Variants in ABCC5 observed in about 807,000 individuals in gnomAD.
The protein encoded by ABCC5 is ATP-binding cassette sub-family C member 5.
In ABCC5, 61 loss-of-function variants were observed where a neutral mutation model predicts 160.9. That is an observed-to-expected ratio of 0.38 (90% CI 0.31 to 0.47). The LOEUF (loss-of-function observed/expected upper bound fraction) is 0.47, where lower values mean the gene tolerates loss of function less well. Ranked by LOEUF, ABCC5 falls within the 20% of genes least tolerant of loss-of-function variation. The pLI is 0.99. For synonymous variants in ABCC5, 666 were observed against 700.6 expected (o/e 0.95, Z 0.78); for missense variants, 1,308 against 1,813.3 (o/e 0.72, Z 5.06).
intron 10 of ABCC5, 55 bp downstream of exon 10, chr3:183,977,462 A>G: frequency 7.5e-7 from 1 of 1,337,128 alleles, no homozygotes; most frequent in Non-Finnish European, 1.1e-6. Flanking sequence ...CAGAGCCAGC[A>G]GTTAGTTGTG....
intron 8 of ABCC5, 109 bp from the exon 9 acceptor site, chr3:183,978,760 C>A: frequency 8.4e-7 from 1 of 1,193,306 alleles, no homozygotes. Flanking sequence ...CCTTCAACAC[C>A]TATGACTATC....
chr3:183,938,321 C>T (rs11714326), intron 25 of ABCC5, among the ~76,000 whole-genome samples: 29,284 of 151,240 alleles, frequency 0.19, 2,985 homozygotes, highest in East Asian at 0.43. Flanking sequence ...TTTTTTGAGA[C>T]GGAGTCTCAC....
chr3:183,923,786 A>G (rs1331389043), intron 29 of ABCC5, among the ~76,000 whole-genome samples: 3 of 152,186 alleles, frequency 2.0e-5, no homozygotes, highest in African/African-American at 7.2e-5. Context: ...GATAGTCACA[A>G]AAAACACTAG....
intron 26 of ABCC5, among the ~76,000 whole-genome samples, chr3:183,929,782 TTG>T (rs1369711993): frequency 2.0e-5 from 3 of 152,148 alleles, no homozygotes; most frequent in Non-Finnish European, 4.4e-5. Context: ...CACGTAATTT[TTG>T]TGTTTTTTGT....
At chr3:183,941,325 C>T (rs1353043707) in intron 25 of ABCC5, among the ~76,000 whole-genome samples, 1 of 152,228 alleles carries the variant, frequency 6.6e-6, no homozygotes, top group East Asian at 1.9e-4. Flanking sequence ...AGCAGATGGG[C>T]TCAAGGGAGA....
chr3:183,925,665 T>C lies in ABCC5; in HGVS notation c.4102A>G (p.Ile1368Val), dbSNP rs770389789. ...AAMDTETDLL[I>V]QETIREAFAD... ...AATGCTTCTCGGATGGTCTCTTGAA[T>C]CAATAAGTCTGTCTCTGTGTCCATG... The change falls in exon 29 of 30, where the codon ATT becomes GTT. Residue 1368 changes from isoleucine (I) to valine (V), a missense_variant. Ile to Val is a conservative substitution (Grantham distance 29). Coordinates refer to ENST00000334444, the MANE Select transcript of ABCC5 (RefSeq NM_005688.4). 2 of 1,613,854 alleles carry C rather than the reference T, an allele frequency of 1.2e-6. No homozygotes were observed. Among genetic ancestry groups the C allele is most frequent in the African/African-American group, 2.7e-5 (2 of 74,852 alleles).
At chr3:183,956,466 G>A (rs1205302061) in intron 17 of ABCC5, among the ~76,000 whole-genome samples, 419 of 89,102 alleles carry the variant, frequency 4.7e-3, no homozygotes, top group African/African-American at 0.01. Flanking sequence ...GGTTACATGC[G>A]GATCCGTGTG....
At chr3:184,007,543 T>C (rs373149876) in intron 2 of ABCC5, among the ~76,000 whole-genome samples, 37 of 152,184 alleles carry the variant, frequency 2.4e-4, no homozygotes, top group African/African-American at 8.7e-4. Context: ...AGAACACACA[T>C]GCCCAGGCGC....
At chr3:184,005,611 AC>A (rs780750445) in intron 2 of ABCC5, among the ~76,000 whole-genome samples, 127 of 145,270 alleles carry the variant, frequency 8.7e-4, no homozygotes, top group Non-Finnish European at 1.6e-3. Flanking sequence ...AGAGGGAAAA[AC>A]GGTAAGACAT....
intron 2 of ABCC5, among the ~76,000 whole-genome samples, chr3:183,999,859 A>T (rs1720602286): frequency 6.6e-6 from 1 of 152,068 alleles, no homozygotes; most frequent in African/African-American, 2.4e-5. Flanking sequence ...TCATACATTA[A>T]TCCATCTGGA....
At chr3:183,994,232 A>T (rs1720048873) in intron 2 of ABCC5, among the ~76,000 whole-genome samples, 1 of 152,232 alleles carries the variant, frequency 6.6e-6, no homozygotes, top group Non-Finnish European at 1.5e-5. Flanking sequence ...TAGCACAAGA[A>T]GTATATAAAG....
chr3:183,940,050 C>T (rs572784417), intron 25 of ABCC5, among the ~76,000 whole-genome samples: 2 of 152,292 alleles, frequency 1.3e-5, no homozygotes, highest in African/African-American at 4.8e-5. Context: ...ACCTGAAAAA[C>T]ACCCATAAGA....
intron 14 of ABCC5, among the ~76,000 whole-genome samples, chr3:183,964,476 G>A (rs909511621): frequency 3.4e-4 from 52 of 152,314 alleles, no homozygotes; most frequent in African/African-American, 1.1e-3. Context: ...AGACCTTTGC[G>A]CCCCACCCCT....
intron 17 of ABCC5, among the ~76,000 whole-genome samples, chr3:183,959,403 C>G (rs894541782): frequency 6.6e-6 from 1 of 152,076 alleles, no homozygotes; most frequent in Non-Finnish European, 1.5e-5. Flanking sequence ...TGAGCAGAGG[C>G]GAATCACTGG....
At position 183,921,149 on chromosome 3, in the gene ABCC5, A is replaced by C. The variant is rs1711928617; in HGVS notation, c.*151T>G. On this transcript the variant is annotated 3_prime_UTR_variant, in exon 30 of 30. Coordinates refer to ENST00000334444, the MANE Select transcript of ABCC5 (RefSeq NM_005688.4). The surrounding 1 kb of genome is among the most constrained non-coding windows in gnomAD (Gnocchi z 4.1). ...CAATAATCAAAATATGACTCTCCCT[A>C]AAAGTGAAACACACAAGCCAATCCG... 3.8e-6 allele frequency: 2 copies of C among 521,104 alleles called. No individual in the cohort carries two copies. The highest frequency in any genetic ancestry group is 6.3e-5 in the East Asian group (2 of 31,600). 32.3% of individuals were successfully genotyped at this position (521,104 alleles called of 1,614,324 possible).
chr3:184,007,737 G>T (rs1365776343), intron 2 of ABCC5, among the ~76,000 whole-genome samples: 2 of 152,166 alleles, frequency 1.3e-5, no homozygotes, highest in Non-Finnish European at 2.9e-5. Context: ...TGAGAGAGGA[G>T]AATCGCTTGA....
rs1212669269 is a variant in ABCC5 at position 183,951,803 on chromosome 3, A to C, written c.2814+54T>G. 9 of 1,591,624 alleles carry C rather than the reference A, an allele frequency of 5.7e-6. No individual in the cohort carries two copies. The highest frequency in any genetic ancestry group is 1.9e-4 in the Middle Eastern group (1 of 5,190). On this transcript the variant is annotated intron_variant, in intron 19 of 29. Coordinates refer to ENST00000334444, the MANE Select transcript of ABCC5 (RefSeq NM_005688.4). The surrounding 1 kb of genome is among the most constrained non-coding windows in gnomAD (Gnocchi z 4.7). ...CATGAACTGAGAGACGCCACACCAA[A>C]GCCTGACCACAGGTCACCAGGGAGG...
chr3:183,971,350 T>A (rs869417), intron 11 of ABCC5, among the ~76,000 whole-genome samples: 1 of 152,052 alleles, frequency 6.6e-6, no homozygotes, highest in African/African-American at 2.4e-5. Context: ...GCTTATAAAA[T>A]GATCACCTCA....
chr3:183,994,700 C>T (rs925560374), intron 2 of ABCC5, among the ~76,000 whole-genome samples: 1 of 152,028 alleles, frequency 6.6e-6, no homozygotes, highest in Non-Finnish European at 1.5e-5. Context: ...TTTATTTTAG[C>T]CATTCTAATA....
Sources: gnomAD v4.1 joint callset for allele counts (sites outside exome capture counted in the v4.1 genomes callset) on GRCh38, gnomAD v4.1.1 for gene constraint, Gnocchi (gnomAD v3.1) non-coding constraint, MANE v1.5 for transcripts, NCBI Gene and HGNC (gene_info 2026-07-23, HGNC 2026-07-21) for gene names.